The following MOGAT2 variants were observed in gnomAD, a reference collection of about 807,000 sequenced individuals.
MOGAT2 encodes the protein 2-acylglycerol O-acyltransferase 2.
Under a neutral mutation model 31.5 loss-of-function variants are expected in MOGAT2, and 27 were observed. That is an observed-to-expected ratio of 0.86 (90% CI 0.63 to 1.18). MOGAT2 has a LOEUF of 1.18. MOGAT2 is among the 50% of genes most tolerant of loss of function. The pLI, the probability that MOGAT2 is intolerant of heterozygous loss-of-function variation, is 0.00. For missense variants in MOGAT2, 436 were observed against 433.2 expected (o/e 1.01, Z -0.06); for synonymous variants, 163 against 170.0 (o/e 0.96, Z 0.32).
In MOGAT2 at chr11:75,729,006, G is replaced by T; in HGVS notation, c.850+17G>T. ...CCACTGTGGGTAAGTCCAGGACCAG[G>T]CTGGGAGGGAGGAGGCCAAAGGGAC... is the stretch of plus-strand genomic sequence containing the variant. On this transcript the variant is annotated intron_variant, in intron 5 of 5. Transcript: ENST00000198801. 1 of 1,612,414 alleles carries T rather than the reference G, an allele frequency of 6.2e-7. No homozygotes were observed. The highest frequency in any genetic ancestry group is 8.5e-7 in the Non-Finnish European group (1 of 1,179,354).
chr11:75,726,528 G>C (rs74826795), intron 2 of MOGAT2, among the ~76,000 whole-genome samples: 9,861 of 152,068 alleles, frequency 0.065, 1,033 homozygotes, highest in African/African-American at 0.22. Flanking sequence ...TCTAGAATAT[G>C]TATGACACCT....
Position 75,720,135 on chromosome 11 carries a change from A to T in MOGAT2, c.235A>T (p.Ile79Leu), listed in dbSNP as rs1314026634. Reference protein sequence around the residue: ...RHIQAIRCWTIWKYMKDYFPI... With the variant: ...RHIQAIRCWTLWKYMKDYFPI... ...CATCCAGGCCATCAGGTGCTGGACT[A>T]TATGGAAGTACATGAAGGACTATTT... Residue 79 changes from isoleucine to leucine, a missense_variant, in exon 2 of 6, where the codon ATA (isoleucine) becomes TTA (leucine). Physicochemically the swap from Ile to Leu is conservative, Grantham distance 5. Coordinates refer to ENST00000198801, the MANE Select transcript of MOGAT2 (RefSeq NM_025098.4). 3 of 1,613,770 alleles carry T rather than the reference A, an allele frequency of 1.9e-6. No homozygotes were observed. Among genetic ancestry groups the T allele is most frequent in the Admixed American group, 1.7e-5 (1 of 59,986 alleles).
rs570792865 is a variant in MOGAT2 at position 75,718,102 on chromosome 11, G to T, written c.91+123G>T. ...TTTATCCTAAAGGGGGCTTTGTTGCGCTCAGAGCCCCTGCCCAGAGAGAAC... is the reference window on the plus strand; with the variant it reads ...TTTATCCTAAAGGGGGCTTTGTTGCTCTCAGAGCCCCTGCCCAGAGAGAAC... On this transcript the variant is annotated intron_variant, in intron 1 of 5. Coordinates refer to ENST00000198801, the MANE Select transcript of MOGAT2 (RefSeq NM_025098.4). 23 of 1,007,190 alleles carry T rather than the reference G, an allele frequency of 2.3e-5. No individual in the cohort carries two copies. The East Asian group carries it at 6.1e-4, about 27-fold the overall frequency. The allele number at this position is 1,007,190 out of a possible 1,614,324, so 62.4% of individuals were successfully genotyped here.
chr11:75,731,201 G>A lies in MOGAT2; in HGVS notation c.920G>A (p.Arg307His), dbSNP rs557956817. ...GAGGAGGTGAACCAGCTGCACCAGC[G>A]TTATATCAAAGAGCTGTGCAACCTC... ...SEEEVNQLHQ[R>H]YIKELCNLFE... The change falls in exon 6 of 6, where the codon CGT (arginine) becomes CAT (histidine). Residue 307 changes from arginine (R) to histidine (H), a missense_variant. Coordinates refer to ENST00000198801, the MANE Select transcript of MOGAT2 (RefSeq NM_025098.4). The A allele has an allele frequency of 1.2e-5, 20 of 1,614,084 alleles. No homozygotes were observed. The highest frequency in any genetic ancestry group is 4.5e-5 in the East Asian group (2 of 44,882).
chr11:75,727,573 C>A lies in MOGAT2; in HGVS notation c.409C>A (p.Pro137Thr). The part of the protein sequence containing the change: ...GFSSIFPGIR[P>T]HLMMLTLWFR... ...CTCTTCGATCTTCCCCGGTATCCGCCCCCATCTGATGATGCTGACCTTGTG... is the reference window on the plus strand; with the variant it reads ...CTCTTCGATCTTCCCCGGTATCCGCACCCATCTGATGATGCTGACCTTGTG... Residue 137 changes from proline (P) to threonine (T), a missense_variant, in exon 3 of 6, where the codon CCC becomes ACC. Physicochemically the swap from Pro to Thr is conservative, Grantham distance 38. Transcript: ENST00000198801. The A allele has an allele frequency of 6.2e-7, 1 of 1,614,182 alleles. No individual in the cohort carries two copies. Among genetic ancestry groups the A allele is most frequent in the Non-Finnish European group, 8.5e-7 (1 of 1,180,032 alleles).
chr11:75,728,930 G>C lies in MOGAT2; in HGVS notation c.791G>C (p.Arg264Pro), dbSNP rs778612784. The C allele has an allele frequency of 6.2e-7, 1 of 1,614,148 alleles. No homozygotes were observed. Among genetic ancestry groups the C allele is most frequent in the Non-Finnish European group, 8.5e-7 (1 of 1,180,036 alleles). Residue 264 changes from arginine to proline, a missense_variant, in exon 5 of 6, where the codon CGT (arginine) becomes CCT (proline). Physicochemically the swap from Arg to Pro is moderately radical, Grantham distance 103 (BLOSUM62 -2). Coordinates refer to ENST00000198801, the MANE Select transcript of MOGAT2 (RefSeq NM_025098.4). Reference protein sequence around the residue: ...MGISLPLFHGRGVFQYSFGLI... With the variant: ...MGISLPLFHGPGVFQYSFGLI... ...ATCTCCCTCCCACTCTTTCATGGCC[G>C]TGGTGTCTTCCAGTACAGCTTTGGT...
chr11:75,728,170 C>T (rs1239483024), intron 4 of MOGAT2, 26 bp downstream of exon 4: 1 of 1,607,008 alleles, frequency 6.2e-7, no homozygotes, highest in Admixed American at 1.7e-5. Context: ...GAAGAGCACT[C>T]TGGGTTCAGT....
intron 2 of MOGAT2, among the ~76,000 whole-genome samples, chr11:75,723,780 C>G (rs576946974): frequency 6.6e-6 from 1 of 152,244 alleles, no homozygotes; most frequent in East Asian, 1.9e-4. Flanking sequence ...AAAGCAATAG[C>G]AGCCCCCAGA....
rs771733060 is a variant in MOGAT2, at chr11:75,720,161, C to T, written c.261C>T (p.Phe87=). Residue 87 remains phenylalanine, a synonymous_variant, in exon 2 of 6, where the codon TTC becomes TTT. Transcript: ENST00000198801. ...TATGGAAGTACATGAAGGACTATTTCCCCATCTCGGTGAGTATTGAGGCTG... is the reference window on the plus strand; with the variant it reads ...TATGGAAGTACATGAAGGACTATTTTCCCATCTCGGTGAGTATTGAGGCTG... The part of the protein sequence containing the change: ...WTIWKYMKDY[F]PISLVKTAEL... 3.3e-5 allele frequency: 53 copies of T among 1,612,544 alleles called. No individual in the cohort carries two copies. Among genetic ancestry groups the T allele is most frequent in the Non-Finnish European group, 4.3e-5 (51 of 1,179,170 alleles).
At chr11:75,718,047 T>G in intron 1 of MOGAT2, 68 bp downstream of exon 1, 3 of 1,421,944 alleles carry the variant, frequency 2.1e-6, no homozygotes, top group Non-Finnish European at 2.0e-6. Context: ...CCACACCAGG[T>G]GCACACAGCA....
intron 2 of MOGAT2, among the ~76,000 whole-genome samples, chr11:75,720,604 C>T (rs1944369212): frequency 6.6e-6 from 1 of 152,196 alleles, no homozygotes; most frequent in Non-Finnish European, 1.5e-5. Context: ...ACCAAGGTCA[C>T]ACAGCAAGTT....
At position 75,728,291 on chromosome 11, in the gene MOGAT2, T is replaced by C. The variant is rs928204950; in HGVS notation, c.650+147T>C. ...ACAATTAAGATTATATTTTGGTGTC[T>C]TATGCCCAAATACCTAGAAAAGTTT... is the stretch of plus-strand genomic sequence containing the variant. On this transcript the variant is annotated intron_variant, in intron 4 of 5. Transcript: ENST00000198801. 2.9e-5 allele frequency: 29 copies of C among 984,978 alleles called. No homozygotes were observed. In the African/African-American group the frequency reaches 4.3e-4, roughly 15 times the overall value. 61.0% of individuals were successfully genotyped at this position (984,978 alleles called of 1,614,324 possible). A position where few individuals can be genotyped will look rare whatever the true frequency, so the allele number is the denominator to read the frequency against.
At position 75,721,082 on chromosome 11, in the gene MOGAT2, A is replaced by T. The variant is rs77387401; in HGVS notation, c.270+912A>T. ...TGGCCCTCCTCTGGAAGCAGGAGAG[A>T]AGAAAGGGGTAAGATATGGCCCGTG... On this transcript the variant is annotated intron_variant, in intron 2 of 5. Coordinates refer to ENST00000198801, the MANE Select transcript of MOGAT2 (RefSeq NM_025098.4). Among the ~76,000 whole-genome samples the T allele has an allele frequency of 3.6e-3, 549 of 152,194 alleles. 2 individuals are homozygous for T. Among genetic ancestry groups the T allele is most frequent in the African/African-American group, 0.013 (520 of 41,506 alleles).
intron 5 of MOGAT2, 82 bp from the exon 6 acceptor site, chr11:75,731,050 C>A (rs768490555): frequency 3.1e-6 from 4 of 1,288,324 alleles, no homozygotes; most frequent in Admixed American, 4.4e-5. Context: ...CACTTTTCTG[C>A]AGGGATGAAC....
chr11:75,727,807 G>A (rs968506743), intron 3 of MOGAT2, among the ~76,000 whole-genome samples, 163 bp from the exon 4 acceptor site: 1 of 152,198 alleles, frequency 6.6e-6, no homozygotes, highest in African/African-American at 2.4e-5. Context: ...AGGGGGTTGG[G>A]AAGAGGGAGA....
Position 75,720,013 on chromosome 11 carries a change from T to A in MOGAT2, c.113T>A (p.Phe38Tyr), listed in dbSNP as rs760092344. 46 of 1,613,916 alleles carry A rather than the reference T, an allele frequency of 2.9e-5. No homozygotes were observed. Among genetic ancestry groups the A allele is most frequent in the Non-Finnish European group, 3.8e-5 (45 of 1,180,024 alleles). Residue 38 changes from phenylalanine to tyrosine, a missense_variant, in exon 2 of 6, where the codon TTC (phenylalanine) becomes TAC (tyrosine). Phe to Tyr is a conservative substitution (Grantham distance 22, BLOSUM62 3). Transcript: ENST00000198801. ...CCAGCCGAGATCTGCACTGTGGGCT[T>A]CATAGCCCTCCTGTTTACAAGATTC... ...LALAEICTVG[F>Y]IALLFTRFWL...
In MOGAT2 at chr11:75,730,971, T is replaced by C. The variant is rs1415542889; in HGVS notation, c.851-161T>C. The C allele has an allele frequency of 5.2e-5, 24 of 458,454 alleles. No homozygotes were observed. In the East Asian group the frequency reaches 6.3e-4, roughly 12 times the overall value. The allele number at this position is 458,454 out of a possible 1,614,324, so 28.4% of individuals were successfully genotyped here. A position where few individuals can be genotyped will look rare whatever the true frequency, so the allele number is the denominator to read the frequency against. The stretch of plus-strand genomic sequence containing the variant: ...GAAGAAAGAAATCCAGCCGTTGTTA[T>C]TATATCAGAATCTTGGAGTTGCCCT... On this transcript the variant is annotated intron_variant, in intron 5 of 5. Coordinates refer to ENST00000198801, the MANE Select transcript of MOGAT2 (RefSeq NM_025098.4).
intron 2 of MOGAT2, among the ~76,000 whole-genome samples, chr11:75,723,915 C>G (rs143930598): frequency 1.3e-5 from 2 of 152,128 alleles, no homozygotes; most frequent in African/African-American, 4.8e-5. Context: ...TCACACTCCC[C>G]TCGCCTAACA....
chr11:75,727,360 G>T (rs1944429829), intron 2 of MOGAT2, 75 bp from the exon 3 acceptor site: 18 of 1,449,700 alleles, frequency 1.2e-5, no homozygotes, highest in Non-Finnish European at 1.5e-5. Flanking sequence ...GTTTCCCAAG[G>T]TCACACCAGT....
Sources: allele counts gnomAD v4.1 joint callset (sites outside exome capture counted in the v4.1 genomes callset), GRCh38; gene constraint gnomAD v4.1.1; transcripts MANE v1.5; gene names NCBI Gene and HGNC (gene_info 2026-07-23, HGNC 2026-07-21).